Variants in ZC3H12B observed in about 807,000 individuals in gnomAD.
ZC3H12B encodes probable ribonuclease ZC3H12B.
ZC3H12B carries 7 observed loss-of-function variants against 43.9 expected under a neutral mutation model. The ratio of observed to expected loss-of-function variants is 0.16; its 90% CI spans 0.09 to 0.30. The LOEUF (loss-of-function observed/expected upper bound fraction) is 0.30, where lower values mean the gene tolerates loss of function less well. Among genes scored for constraint, ZC3H12B ranks in the 10% least tolerant of loss-of-function variants. The pLI is 1.00. For missense variants in ZC3H12B, 475 were observed against 670.2 expected (o/e 0.71, Z 3.22); for synonymous variants, 222 against 241.7 (o/e 0.92, Z 0.76).
At chrX:65,286,875 A>G in the ZC3H12B span, among the ~76,000 whole-genome samples, 23 of 111,341 alleles carry the variant, frequency 2.1e-4, no homozygotes, top group East Asian at 6.5e-3. Flanking sequence ...AACCGACAGC[A>G]AGTAGTTGTA....
At chrX:65,154,691 A>G in the ZC3H12B span, among the ~76,000 whole-genome samples, 114 of 111,313 alleles carry the variant, frequency 1.0e-3, 1 homozygote, top group African/African-American at 3.5e-3. Flanking sequence ...CTCTACAAAA[A>G]TAAAAGAATT....
chrX:65,229,799 G>A, the ZC3H12B span, among the ~76,000 whole-genome samples: 2 of 107,154 alleles, frequency 1.9e-5, no homozygotes, highest in East Asian at 5.9e-4. Flanking sequence ...CATCATCACT[G>A]GCCATCAGAG....
intron 2 of ZC3H12B, among the ~76,000 whole-genome samples, chrX:65,382,335 G>A (rs6524980): frequency 0.082 from 9,028 of 109,635 alleles, 1,019 homozygotes; most frequent in African/African-American, 0.29. Context: ...CATATAAACC[G>A]AACCAAAGAC....
the ZC3H12B span, among the ~76,000 whole-genome samples, chrX:65,240,513 G>C: frequency 3.6e-5 from 4 of 111,552 alleles, no homozygotes; most frequent in Non-Finnish European, 7.5e-5. Flanking sequence ...GCTAGAACAT[G>C]CTTCTTTAGC....
chrX:65,196,832 T>G, the ZC3H12B span, among the ~76,000 whole-genome samples: 3 of 111,224 alleles, frequency 2.7e-5, no homozygotes, highest in Non-Finnish European at 5.7e-5. Context: ...TACCGGAGCC[T>G]CCTCCTCCAA....
chrX:65,070,526 A>C, the ZC3H12B span, among the ~76,000 whole-genome samples: 1 of 110,792 alleles, frequency 9.0e-6, no homozygotes, highest in Admixed American at 9.6e-5. Flanking sequence ...TTGTGATGTT[A>C]GGTTGTTAAT....
At chrX:65,361,795 C>G (rs1310520021), upstream of ZC3H12B, among the ~76,000 whole-genome samples, 1 of 110,971 alleles carries the variant, frequency 9.0e-6, no homozygotes, top group Non-Finnish European at 1.9e-5. Flanking sequence ...CACAACAGGA[C>G]TTAATTAACC....
chrX:65,116,547 A>G, the ZC3H12B span, among the ~76,000 whole-genome samples: 1 of 109,795 alleles, frequency 9.1e-6, no homozygotes. Flanking sequence ...TTCTGGTTCC[A>G]TTTCAATTTT....
the ZC3H12B span, among the ~76,000 whole-genome samples, chrX:65,082,650 G>T: frequency 9.1e-6 from 1 of 109,632 alleles, no homozygotes; most frequent in Non-Finnish European, 1.9e-5. Context: ...AAGCCTGGGA[G>T]CTGATGGCTT....
chrX:65,053,735 G>A, the ZC3H12B span, among the ~76,000 whole-genome samples: 1 of 111,730 alleles, frequency 9.0e-6, no homozygotes, highest in African/African-American at 3.3e-5. Context: ...CAGTGTAAAA[G>A]TGTTCCTGTT....
intron 2 of ZC3H12B, among the ~76,000 whole-genome samples, chrX:65,377,855 T>C (rs2066368679): frequency 9.0e-6 from 1 of 110,684 alleles, no homozygotes; most frequent in African/African-American, 3.3e-5. Flanking sequence ...TCCCAGCACT[T>C]TGGGAGGCTG....
At chrX:65,100,566 C>CAAAAAAAAAAAAAAAAAAAAAAAAA in the ZC3H12B span, among the ~76,000 whole-genome samples, 8 of 4,529 alleles carry the variant, frequency 1.8e-3, 3 homozygotes, top group African/African-American at 6.8e-3. Context: ...AAAGATAAAG[C>CAAAAAAAAAAAAAAAAAAAAAAAAA]AAAAAAAAAA....
intron 2 of ZC3H12B, among the ~76,000 whole-genome samples, chrX:65,395,561 T>A (rs1602375971): frequency 8.9e-6 from 1 of 112,485 alleles, no homozygotes; most frequent in African/African-American, 3.2e-5. Context: ...TGAAGCCAAC[T>A]TCATTTGCTG....
intron 3 of ZC3H12B, among the ~76,000 whole-genome samples, chrX:65,443,606 T>G (rs1459333958): frequency 2.7e-5 from 3 of 112,807 alleles, no homozygotes; most frequent in Non-Finnish European, 5.6e-5. Flanking sequence ...CCAAATTAAT[T>G]GCAGCAGGAA....
the ZC3H12B span, among the ~76,000 whole-genome samples, chrX:65,085,056 G>T: frequency 3.1e-4 from 35 of 111,770 alleles, no homozygotes; most frequent in Non-Finnish European, 5.8e-4. Context: ...TCTAAAAATT[G>T]AATCAATTGA....
chrX:65,251,056 T>C, the ZC3H12B span, among the ~76,000 whole-genome samples: 1 of 112,049 alleles, frequency 8.9e-6, no homozygotes, highest in African/African-American at 3.2e-5. Context: ...TCTTCTAGGG[T>C]TTTTATGGTT....
At chrX:65,434,116 C>T (rs1317463124) in intron 3 of ZC3H12B, among the ~76,000 whole-genome samples, 1 of 111,656 alleles carries the variant, frequency 9.0e-6, no homozygotes, top group Non-Finnish European at 1.9e-5. Flanking sequence ...TGCTACTTGG[C>T]TCCTGCCTCC....
At chrX:65,117,942 C>T in the ZC3H12B span, among the ~76,000 whole-genome samples, 12 of 111,087 alleles carry the variant, frequency 1.1e-4, no homozygotes, top group Non-Finnish European at 2.1e-4. Flanking sequence ...TGTACCAGTA[C>T]CATGCTGTTT....
At chrX:65,496,729 G>A (rs1255960766) in intron 1 of ZC3H12B, among the ~76,000 whole-genome samples, 1 of 111,332 alleles carries the variant, frequency 9.0e-6, no homozygotes, top group African/African-American at 3.3e-5. Flanking sequence ...GCCGAGGCAG[G>A]CAGATCACCT....
Sources: allele counts gnomAD v4.1 joint callset (sites outside exome capture counted in the v4.1 genomes callset), GRCh38; gene constraint gnomAD v4.1.1; transcripts MANE v1.5; gene names NCBI Gene and HGNC (gene_info 2026-07-23, HGNC 2026-07-21).